The following TBC1D4 variants were observed in gnomAD, a reference collection of about 807,000 sequenced individuals.
TBC1D4 encodes the protein TBC1 domain family member 4.
TBC1D4 carries 121 observed loss-of-function variants against 142.5 expected under a neutral mutation model. The observed-to-expected ratio is 0.85, with a 90% CI of 0.73 to 0.99. TBC1D4 has a LOEUF of 0.99. TBC1D4 is among the 50% of genes least tolerant of loss of function. TBC1D4 has a pLI of 0.00. For missense variants in TBC1D4, 1,475 were observed against 1,606.6 expected (o/e 0.92, Z 1.40); for synonymous variants, 630 against 628.2 (o/e 1.00, Z -0.04).
intron 1 of TBC1D4, among the ~76,000 whole-genome samples, chr13:75,408,394 G>A (rs1273198674): frequency 1.3e-5 from 2 of 152,052 alleles, no homozygotes; most frequent in South Asian, 4.1e-4. Context: ...TGGCTATTAC[G>A]AATAATGCTG....
chr13:75,295,674 G>C (rs1379458143), intron 17 of TBC1D4, among the ~76,000 whole-genome samples: 1 of 152,124 alleles, frequency 6.6e-6, no homozygotes, highest in Non-Finnish European at 1.5e-5. Context: ...CTACTGAGTT[G>C]GTTATTGGCA....
intron 1 of TBC1D4, among the ~76,000 whole-genome samples, chr13:75,438,684 T>G (rs1048324113): frequency 2.6e-5 from 4 of 152,176 alleles, no homozygotes; most frequent in African/African-American, 4.8e-5. Context: ...AAACATGGTG[T>G]GTCTCTTCAC....
At chr13:75,337,115 G>C (rs1214358316) in intron 7 of TBC1D4, 75 bp from the exon 8 acceptor site, 1 of 1,390,666 alleles carries the variant, frequency 7.2e-7, no homozygotes, top group South Asian at 1.2e-5. Context: ...ATAGGCTTAA[G>C]ACTAAGCTAT....
intron 1 of TBC1D4, among the ~76,000 whole-genome samples, chr13:75,372,825 T>C (rs900512790): frequency 3.3e-5 from 5 of 152,170 alleles, no homozygotes; most frequent in African/African-American, 1.2e-4. Flanking sequence ...AATAAGTTAA[T>C]AAAATAAAGT....
chr13:75,392,837 C>T (rs867007048), intron 1 of TBC1D4, among the ~76,000 whole-genome samples: 5 of 151,952 alleles, frequency 3.3e-5, no homozygotes, highest in African/African-American at 9.7e-5. Flanking sequence ...GATAGGGTCT[C>T]GATATATTGC....
At chr13:75,352,425 T>C (rs1000107358) in intron 4 of TBC1D4, among the ~76,000 whole-genome samples, 1 of 152,112 alleles carries the variant, frequency 6.6e-6, no homozygotes, top group Non-Finnish European at 1.5e-5. Context: ...TTTCCCTAAA[T>C]ATTTTGGTCT....
chr13:75,293,293 T>C lies in TBC1D4; in HGVS notation c.3317-1022A>G, dbSNP rs573537031. On this transcript the variant is annotated intron_variant, in intron 18 of 20. Coordinates refer to ENST00000377636, the MANE Select transcript of TBC1D4 (RefSeq NM_014832.5). ...TGAAGAGGGAACCATAGAATCATTA[T>C]TTCATAGTAATTCTTCTTGCTCATG... Among the ~76,000 whole-genome samples the C allele has an allele frequency of 7.2e-5, 11 of 152,338 alleles. No homozygotes were observed. In the East Asian group the frequency reaches 2.1e-3, roughly 29 times the overall value.
intron 1 of TBC1D4, among the ~76,000 whole-genome samples, chr13:75,446,213 G>C (rs1198258897): frequency 6.6e-6 from 1 of 152,198 alleles, no homozygotes; most frequent in Non-Finnish European, 1.5e-5. Context: ...CTATTTGCTG[G>C]AATTATGCTG....
chr13:75,319,725 A>AG (rs1878597693), intron 12 of TBC1D4, among the ~76,000 whole-genome samples: 1 of 152,346 alleles, frequency 6.6e-6, no homozygotes, highest in South Asian at 2.1e-4. Flanking sequence ...CTATTAATTT[A>AG]AAATTAAAAT....
intron 1 of TBC1D4, among the ~76,000 whole-genome samples, chr13:75,383,610 G>C (rs913548035): frequency 6.6e-6 from 1 of 152,046 alleles, no homozygotes; most frequent in African/African-American, 2.4e-5. Flanking sequence ...TTTTATTACA[G>C]TATATTGTTA....
At position 75,295,179 on chromosome 13, in the gene TBC1D4, T is replaced by C. The variant is rs116371661; in HGVS notation, c.3157-166A>G. ...GTTGATACTAAAATCCAAGTTCACT[T>C]AACTGAATTCATAAAGCAAGTCACT... On this transcript the variant is annotated intron_variant, in intron 17 of 20. Coordinates refer to ENST00000377636, the MANE Select transcript of TBC1D4 (RefSeq NM_014832.5). Among the ~76,000 whole-genome samples, 495 of 152,318 alleles carry C rather than the reference T, an allele frequency of 3.2e-3. 2 individuals carry two copies. The highest frequency in any genetic ancestry group is 0.011 in the African/African-American group (462 of 41,578).
chr13:75,459,913 T>C (rs888711556), intron 1 of TBC1D4, among the ~76,000 whole-genome samples: 2 of 152,004 alleles, frequency 1.3e-5, no homozygotes, highest in Non-Finnish European at 2.9e-5. Context: ...GAAGCTGAGG[T>C]GGGCGGATCA....
chr13:75,297,998 C>T (rs1179879527), intron 17 of TBC1D4, among the ~76,000 whole-genome samples: 1 of 152,054 alleles, frequency 6.6e-6, no homozygotes, highest in Non-Finnish European at 1.5e-5. Flanking sequence ...CATTCATACT[C>T]TCAAAAAATA....
At chr13:75,410,951 A>AAAG (rs1885628683) in intron 1 of TBC1D4, among the ~76,000 whole-genome samples, 2 of 150,650 alleles carry the variant, frequency 1.3e-5, no homozygotes, top group Non-Finnish European at 3.0e-5. Flanking sequence ...AAAAAAAAAA[A>AAAG]AAAAAAAAAA....
At chr13:75,297,972 TG>T (rs1455431624) in intron 17 of TBC1D4, among the ~76,000 whole-genome samples, 1 of 152,050 alleles carries the variant, frequency 6.6e-6, no homozygotes, top group Admixed American at 6.6e-5. Context: ...TAAAGAAAAA[TG>T]GAATACTTCA....
At chr13:75,459,499 T>C (rs1887875859) in intron 1 of TBC1D4, among the ~76,000 whole-genome samples, 1 of 152,242 alleles carries the variant, frequency 6.6e-6, no homozygotes, top group Non-Finnish European at 1.5e-5. Flanking sequence ...GACTTGCCTT[T>C]CTCACAATAT....
intron 1 of TBC1D4, among the ~76,000 whole-genome samples, chr13:75,370,360 G>T (rs1021938129): frequency 6.6e-6 from 1 of 152,184 alleles, no homozygotes; most frequent in Non-Finnish European, 1.5e-5. Context: ...GTGTGGAAAT[G>T]ACATGATCTA....
At chr13:75,306,663 A>G (rs1486520022) in intron 14 of TBC1D4, among the ~76,000 whole-genome samples, 192 bp from the exon 15 acceptor site, 1 of 152,172 alleles carries the variant, frequency 6.6e-6, no homozygotes, top group Admixed American at 6.5e-5. Context: ...CATGTGAGAA[A>G]AAAAATGAGG....
chr13:75,374,010 C>G (rs1202280064), intron 1 of TBC1D4, among the ~76,000 whole-genome samples: 1 of 152,132 alleles, frequency 6.6e-6, no homozygotes, highest in Non-Finnish European at 1.5e-5. Flanking sequence ...AAAGAATATG[C>G]TTCATCTACG....
Sources: allele counts gnomAD v4.1 joint callset (sites outside exome capture counted in the v4.1 genomes callset), GRCh38; gene constraint gnomAD v4.1.1; transcripts MANE v1.5; gene names NCBI Gene and HGNC (gene_info 2026-07-23, HGNC 2026-07-21).